SETBP1: variants seen among roughly 807,000 people sequenced by gnomAD.
The protein encoded by SETBP1 is SET-binding protein.
A neutral mutation model predicts 101.0 loss-of-function variants in SETBP1; 9 were observed. That is an observed-to-expected ratio of 0.09 (90% CI 0.05 to 0.16). SETBP1 has a LOEUF of 0.16. Among genes scored for constraint, SETBP1 ranks in the 10% least tolerant of loss-of-function variants. The probability of loss-of-function intolerance (pLI) is 1.00; values close to 1 mark genes in which losing one functional copy is unlikely to be tolerated. For synonymous variants in SETBP1, 818 were observed against 788.5 expected (o/e 1.04, Z -0.63); for missense variants, 1,858 against 2,033.8 (o/e 0.91, Z 1.66).
intron 4 of SETBP1, among the ~76,000 whole-genome samples, chr18:44,967,340 GTATGAC>G (rs2071743039): frequency 6.6e-6 from 1 of 152,240 alleles, no homozygotes; most frequent in African/African-American, 2.4e-5. Flanking sequence ...GCAAGAATGT[GTATGAC>G]TATTCAGTAG....
intron 1 of SETBP1, among the ~76,000 whole-genome samples, chr18:44,689,176 G>A (rs1051601877): frequency 6.6e-6 from 1 of 152,222 alleles, no homozygotes; most frequent in East Asian, 1.9e-4. Context: ...CATTCTTGGC[G>A]GGTAGAACAG....
chr18:44,801,145 C>A (rs938998291), intron 2 of SETBP1, among the ~76,000 whole-genome samples: 5 of 151,850 alleles, frequency 3.3e-5, no homozygotes, highest in Middle Eastern at 3.4e-3. Context: ...GTAGGAGGAG[C>A]GGGGAGGGAT....
chr18:44,888,145 G>T (rs922846168), intron 3 of SETBP1, among the ~76,000 whole-genome samples: 2 of 152,078 alleles, frequency 1.3e-5, no homozygotes, highest in East Asian at 3.9e-4. Flanking sequence ...TGCCAGGAGG[G>T]GTGATCAATT....
chr18:44,878,460 T>A (rs892449839), intron 3 of SETBP1, among the ~76,000 whole-genome samples: 2 of 152,184 alleles, frequency 1.3e-5, no homozygotes, highest in Non-Finnish European at 2.9e-5. Flanking sequence ...CTAATGTCTG[T>A]GTTTATTACT....
chr18:44,860,411 C>T (rs2068978001), intron 2 of SETBP1, among the ~76,000 whole-genome samples: 1 of 152,276 alleles, frequency 6.6e-6, no homozygotes, highest in African/African-American at 2.4e-5. Flanking sequence ...CTTTCCAAAA[C>T]ATGTAGCTTG....
At chr18:44,989,760 T>G (rs1045664938) in intron 4 of SETBP1, among the ~76,000 whole-genome samples, 2 of 148,224 alleles carry the variant, frequency 1.3e-5, no homozygotes, top group African/African-American at 4.9e-5. Flanking sequence ...TCCCAGCTAC[T>G]TGGGAGGCTG....
At chr18:44,933,037 T>G (rs1057129801) in intron 3 of SETBP1, among the ~76,000 whole-genome samples, 4 of 152,252 alleles carry the variant, frequency 2.6e-5, no homozygotes, top group Admixed American at 1.3e-4. Flanking sequence ...CTCTGATTTT[T>G]AGAATTTTCA....
At chr18:44,711,396 C>CT (rs1302459155) in intron 2 of SETBP1, among the ~76,000 whole-genome samples, 19 of 148,860 alleles carry the variant, frequency 1.3e-4, no homozygotes, top group African/African-American at 4.5e-4. Flanking sequence ...CTTTTCCTTC[C>CT]TCTCTCCCTT....
Position 44,716,126 on chromosome 18 carries a change from G to A in SETBP1, c.486+14294G>A, listed in dbSNP as rs565014628. 2.0e-3 allele frequency among the ~76,000 whole-genome samples: 305 copies of A among 152,170 alleles called. 4 individuals carry two copies. The highest frequency in any genetic ancestry group is 7.0e-3 in the African/African-American group (289 of 41,482). On this transcript the variant is annotated intron_variant, in intron 2 of 5. Coordinates refer to ENST00000649279, the MANE Select transcript of SETBP1 (RefSeq NM_015559.3). The stretch of plus-strand genomic sequence containing the variant: ...TTGTTCCGAGGCAACCTCCAATCAG[G>A]GCTGGTGTCTGCTGGGTTTGGCGAA...
At chr18:44,825,834 G>T (rs2072225933) in intron 2 of SETBP1, among the ~76,000 whole-genome samples, 1 of 152,206 alleles carries the variant, frequency 6.6e-6, no homozygotes, top group East Asian at 1.9e-4. Flanking sequence ...CAGCAGAGTA[G>T]TGCGGAATAA....
intron 1 of SETBP1, among the ~76,000 whole-genome samples, chr18:44,688,706 G>A (rs1345067736): frequency 1.3e-5 from 2 of 152,056 alleles, no homozygotes; most frequent in African/African-American, 4.8e-5. Context: ...GCCTGCCTCG[G>A]CCTCCCAAAG....
rs1206926669 is a variant in SETBP1, at chr18:44,952,899, A to G, written c.3559A>G (p.Ser1187Gly). The change falls in exon 4 of 6, where the codon AGC becomes GGC. Residue 1187 changes from serine (S) to glycine (G), a missense_variant. Transcript: ENST00000649279. ...CACAGGCTTCTCCAGCCACATCCTG[A>G]GCGAGCGGCTGAGTAGCGCAGACAA... ...KATGFSSHIL[S>G]ERLSSADKEL... The G allele has an allele frequency of 6.2e-7, 1 of 1,614,082 alleles. No individual in the cohort carries two copies. The highest frequency in any genetic ancestry group is 8.5e-7 in the Non-Finnish European group (1 of 1,180,048).
At chr18:44,801,954 T>C (rs1286336096) in intron 2 of SETBP1, among the ~76,000 whole-genome samples, 1 of 152,122 alleles carries the variant, frequency 6.6e-6, no homozygotes, top group Non-Finnish European at 1.5e-5. Context: ...CTAATGAGAA[T>C]GTTCTTCTCA....
intron 2 of SETBP1, among the ~76,000 whole-genome samples, chr18:44,814,329 TAGG>T (rs1191937785): frequency 6.6e-6 from 1 of 152,108 alleles, no homozygotes; most frequent in Admixed American, 6.5e-5. Context: ...TGGGTGGGGT[TAGG>T]AGGAGTTTTG....
At chr18:44,976,060 T>C (rs1480251068) in intron 4 of SETBP1, among the ~76,000 whole-genome samples, 1 of 135,720 alleles carries the variant, frequency 7.4e-6, no homozygotes, top group Non-Finnish European at 1.5e-5. Context: ...TAAGTCGAGC[T>C]TTTGGGGAGG....
chr18:44,848,659 A>G (rs1172100945), intron 2 of SETBP1, among the ~76,000 whole-genome samples: 1 of 152,242 alleles, frequency 6.6e-6, no homozygotes, highest in African/African-American at 2.4e-5. Flanking sequence ...GGTAACTTAA[A>G]CAATGCAAAC....
intron 3 of SETBP1, among the ~76,000 whole-genome samples, chr18:44,885,245 T>A (rs2069615031): frequency 6.6e-6 from 1 of 152,166 alleles, no homozygotes; most frequent in African/African-American, 2.4e-5. Flanking sequence ...AAAATCATAT[T>A]TCCTGGAATG....
At chr18:44,788,000 G>A (rs1026429960) in intron 2 of SETBP1, among the ~76,000 whole-genome samples, 11 of 150,410 alleles carry the variant, frequency 7.3e-5, no homozygotes, top group African/African-American at 2.7e-4. Flanking sequence ...TAGTTTATTG[G>A]AGTTTTTTTT....
At chr18:44,911,286 G>A (rs2070302950) in intron 3 of SETBP1, among the ~76,000 whole-genome samples, 1 of 152,162 alleles carries the variant, frequency 6.6e-6, no homozygotes, top group African/African-American at 2.4e-5. Context: ...GTATATAACT[G>A]AGAGAGAATT....
Sources: allele counts gnomAD v4.1 joint callset (sites outside exome capture counted in the v4.1 genomes callset), GRCh38; gene constraint gnomAD v4.1.1; transcripts MANE v1.5; gene names NCBI Gene and HGNC (gene_info 2026-07-23, HGNC 2026-07-21).